PCDH15: variants seen among roughly 807,000 people sequenced by gnomAD.
PCDH15 encodes the protein protocadherin-15.
PCDH15 carries 129 observed loss-of-function variants against 178.5 expected under a neutral mutation model. The ratio of observed to expected loss-of-function variants is 0.72; its 90% confidence interval spans 0.63 to 0.84. PCDH15 has a LOEUF of 0.84. Ranked by LOEUF, PCDH15 falls within the 40% of genes least tolerant of loss-of-function variation. The probability of loss-of-function intolerance (pLI) is 0.00; values close to 1 mark genes in which losing one functional copy is unlikely to be tolerated. For synonymous variants in PCDH15, 800 were observed against 732.0 expected, an observed-to-expected ratio of 1.09 and a Z score of -1.50; for missense variants, 2,230 against 2,099.9, an observed-to-expected ratio of 1.06 and a Z score of -1.21.
At chr10:54,985,620 C>T (rs2131909844) in intron 2 of PCDH15, among the ~76,000 whole-genome samples, 1 of 152,284 alleles carries the variant, frequency 6.6e-6, no homozygotes, top group South Asian at 2.1e-4. Flanking sequence ...GATCAGGTGA[C>T]TGACTAGAAG....
intron 3 of PCDH15, among the ~76,000 whole-genome samples, chr10:54,855,521 G>A (rs1398534797): frequency 1.3e-5 from 2 of 152,170 alleles, no homozygotes; most frequent in African/African-American, 2.4e-5. Flanking sequence ...TTTCTCCAAT[G>A]TTCTGAAGCA....
At chr10:53,899,050 C>G (rs1003487413) in intron 26 of PCDH15, among the ~76,000 whole-genome samples, 1 of 151,384 alleles carries the variant, frequency 6.6e-6, no homozygotes, top group Non-Finnish European at 1.5e-5. Context: ...ATTTTCCACT[C>G]ACTATAGTAT....
At chr10:55,419,862 T>G (rs1276940711) in intron 2 of PCDH15, among the ~76,000 whole-genome samples, 1 of 151,626 alleles carries the variant, frequency 6.6e-6, no homozygotes, top group Non-Finnish European at 1.5e-5. Context: ...TGCAAAAAAA[T>G]ATGAACAGAT....
chr10:55,544,361 G>A (rs1224296468), intron 2 of PCDH15, among the ~76,000 whole-genome samples: 1 of 151,252 alleles, frequency 6.6e-6, no homozygotes, highest in African/African-American at 2.4e-5. Flanking sequence ...AACACTGAAT[G>A]AGTACTGGAT....
At chr10:55,008,565 C>A (rs117693990) in intron 2 of PCDH15, among the ~76,000 whole-genome samples, 27 of 152,196 alleles carry the variant, frequency 1.8e-4, no homozygotes, top group African/African-American at 5.3e-4. Flanking sequence ...TTCAGCCCTG[C>A]TAACTGCAGT....
At chr10:54,010,838 C>T (rs538574688) in intron 20 of PCDH15, among the ~76,000 whole-genome samples, 32 of 152,296 alleles carry the variant, frequency 2.1e-4, no homozygotes, top group African/African-American at 7.7e-4. Context: ...GAGCACGGAA[C>T]AGCCACCCCA....
chr10:55,331,527 C>G (rs1844197814), intron 2 of PCDH15, among the ~76,000 whole-genome samples: 1 of 151,952 alleles, frequency 6.6e-6, no homozygotes, highest in South Asian at 2.1e-4. Flanking sequence ...AAGAAAGCAG[C>G]TTTGAGATTC....
At chr10:54,877,115 C>T (rs574957965) in intron 3 of PCDH15, among the ~76,000 whole-genome samples, 3 of 152,072 alleles carry the variant, frequency 2.0e-5, no homozygotes, top group East Asian at 3.9e-4. Context: ...GATTACAAAT[C>T]GCTGAAGTCT....
In PCDH15 at chr10:54,317,286, A is replaced by G; in HGVS notation, c.861T>C (p.Pro287=). The change falls in exon 8 of 38, where the codon CCT becomes CCC. Residue 287 remains proline (P), a synonymous_variant. Coordinates refer to ENST00000644397, the MANE Select transcript of PCDH15 (RefSeq NM_001384140.1). ...CRPLTYQAAI[P]ELRTPEELNP... ...GTATATTTACCGGAGTTCTCAACTCAGGTATGGCAGCTTGATAAGTGAGTG... is the reference window on the plus strand; with the variant it reads ...GTATATTTACCGGAGTTCTCAACTCGGGTATGGCAGCTTGATAAGTGAGTG... 1 of 1,613,604 alleles carries G rather than the reference A, an allele frequency of 6.2e-7. No homozygotes were observed. Among genetic ancestry groups the G allele is most frequent in the Non-Finnish European group, 8.5e-7 (1 of 1,179,598 alleles).
At chr10:54,865,565 G>A (rs7091730) in intron 3 of PCDH15, among the ~76,000 whole-genome samples, 25,861 of 151,942 alleles carry the variant, frequency 0.17, 2,290 homozygotes, top group Middle Eastern at 0.2. Context: ...AACAGCATGG[G>A]GAAAACCACC....
chr10:54,581,542 C>T (rs1398172540), intron 2 of PCDH15, among the ~76,000 whole-genome samples: 1 of 151,968 alleles, frequency 6.6e-6, no homozygotes, highest in Admixed American at 6.6e-5. Context: ...TCCTGTAAAA[C>T]TACCAATGCC....
chr10:54,073,175 T>C (rs1318374263), intron 17 of PCDH15, among the ~76,000 whole-genome samples: 1 of 151,396 alleles, frequency 6.6e-6, no homozygotes, highest in Non-Finnish European at 1.5e-5. Context: ...TGCATGTTTT[T>C]ATATAAATAT....
At chr10:54,974,291 A>G (rs891555007) in intron 2 of PCDH15, among the ~76,000 whole-genome samples, 2 of 152,076 alleles carry the variant, frequency 1.3e-5, no homozygotes, top group African/African-American at 4.8e-5. Context: ...CTCCTTTTAC[A>G]TTGATACTTC....
chr10:54,842,125 G>GA (rs1953429609), intron 3 of PCDH15, among the ~76,000 whole-genome samples: 1 of 151,590 alleles, frequency 6.6e-6, no homozygotes, highest in African/African-American at 2.4e-5. Flanking sequence ...AAACGTTCAT[G>GA]ATAATTTCAA....
chr10:55,032,941 T>C (rs1213285485), intron 2 of PCDH15, among the ~76,000 whole-genome samples: 2 of 152,134 alleles, frequency 1.3e-5, no homozygotes, highest in Non-Finnish European at 2.9e-5. Context: ...CAGTGCTAAT[T>C]GGCTGCTTCA....
chr10:53,888,077 A>C (rs2081226663), intron 26 of PCDH15, among the ~76,000 whole-genome samples: 1 of 151,660 alleles, frequency 6.6e-6, no homozygotes, highest in Admixed American at 6.6e-5. Context: ...AAAGAAGAGA[A>C]TATATAGTTT....
At chr10:54,684,383 G>C (rs1329247807) in intron 1 of PCDH15, among the ~76,000 whole-genome samples, 2 of 151,800 alleles carry the variant, frequency 1.3e-5, no homozygotes, top group African/African-American at 4.8e-5. Context: ...AAGGAGCTAA[G>C]GAAATCATTT....
intron 2 of PCDH15, among the ~76,000 whole-genome samples, chr10:55,472,465 C>CTTTTTTTTTTTTTTTTT (rs71014493): frequency 1.0e-5 from 1 of 99,768 alleles, no homozygotes; most frequent in African/African-American, 3.7e-5. Flanking sequence ...TTTGAATTAG[C>CTTTTTTTTTTTTTTTTT]TTTTTTTTTT....
chr10:55,289,642 A>G (rs949165105), intron 1 of PCDH15, among the ~76,000 whole-genome samples: 5 of 152,088 alleles, frequency 3.3e-5, no homozygotes, highest in Non-Finnish European at 7.4e-5. Context: ...GGATCCATAA[A>G]TTTCCTAAAA....
Sources: gnomAD v4.1 joint callset for allele counts (sites outside exome capture counted in the v4.1 genomes callset) on GRCh38, gnomAD v4.1.1 for gene constraint, MANE v1.5 for transcripts, NCBI Gene and HGNC (gene_info 2026-07-23, HGNC 2026-07-21) for gene names.